LRRC4C: variants seen among roughly 807,000 people sequenced by gnomAD.
LRRC4C encodes leucine rich repeat containing 4C, also known as leucine-rich repeat-containing protein 4C.
LRRC4C carries 5 observed loss-of-function variants against 33.6 expected under a neutral mutation model. That is an observed-to-expected ratio of 0.15 (90% CI 0.08 to 0.31). The LOEUF is 0.31. Among genes scored for constraint, LRRC4C ranks in the 10% least tolerant of loss-of-function variants. The pLI, the probability that LRRC4C is intolerant of heterozygous loss-of-function variation, is 1.00. For synonymous variants in LRRC4C, 329 were observed against 302.0 expected (o/e 1.09, Z -0.93); for missense variants, 560 against 796.7 (o/e 0.70, Z 3.58).
At chr11:41,221,243 C>T (rs1947292302) in intron 1 of LRRC4C, among the ~76,000 whole-genome samples, 1 of 148,688 alleles carries the variant, frequency 6.7e-6, no homozygotes, top group Admixed American at 6.7e-5. Context: ...AGGACATGAA[C>T]AGACACTTTT....
At chr11:41,121,757 G>A (rs1334743804) in intron 1 of LRRC4C, among the ~76,000 whole-genome samples, 2 of 152,118 alleles carry the variant, frequency 1.3e-5, no homozygotes, top group Non-Finnish European at 2.9e-5. Flanking sequence ...TAAAATAAAA[G>A]GGATGACCCT....
At chr11:40,792,758 C>T (rs369974868) in intron 2 of LRRC4C, among the ~76,000 whole-genome samples, 11 of 152,004 alleles carry the variant, frequency 7.2e-5, no homozygotes, top group Admixed American at 2.6e-4. Context: ...CAATGATAGA[C>T]TGGATTAAGA....
Position 41,323,866 on chromosome 11 carries a change from T to A in LRRC4C, c.-496+135565A>T, listed in dbSNP as rs540583741. ...ATATCAAAGCAAGTATTGTATTTTT[T>A]AAATTATATTTTATATAAGGGGACT... On this transcript the variant is annotated intron_variant, in intron 1 of 6. Coordinates refer to ENST00000528697, the MANE Select transcript of LRRC4C (RefSeq NM_001258419.2). Among the ~76,000 whole-genome samples the A allele has an allele frequency of 2.0e-4, 31 of 152,366 alleles. No individual in the cohort carries two copies. The South Asian group carries it at 4.6e-3, about 22-fold the overall frequency.
chr11:40,121,995 G>C (rs777383719), intron 6 of LRRC4C, among the ~76,000 whole-genome samples: 25 of 152,066 alleles, frequency 1.6e-4, no homozygotes, highest in Non-Finnish European at 2.9e-5. Flanking sequence ...GTCTGTCTTA[G>C]CACCTCTTTC....
intron 1 of LRRC4C, among the ~76,000 whole-genome samples, chr11:41,396,672 T>C (rs947747615): frequency 3.3e-5 from 5 of 152,038 alleles, no homozygotes; most frequent in Non-Finnish European, 7.4e-5. Context: ...ACCTGTGTCA[T>C]GGAAGTTTGT....
chr11:41,325,238 A>G (rs1267862588), intron 1 of LRRC4C, among the ~76,000 whole-genome samples: 5 of 152,138 alleles, frequency 3.3e-5, no homozygotes, highest in African/African-American at 9.7e-5. Context: ...TGCAAAATGT[A>G]TATTAAGCTT....
At chr11:41,288,063 C>G (rs944679847) in intron 1 of LRRC4C, among the ~76,000 whole-genome samples, 3 of 152,152 alleles carry the variant, frequency 2.0e-5, no homozygotes, top group African/African-American at 7.2e-5. Context: ...TTGGATTACT[C>G]TGTGCCAGGT....
chr11:40,806,942 G>A (rs1053565549), intron 2 of LRRC4C, among the ~76,000 whole-genome samples: 4 of 151,966 alleles, frequency 2.6e-5, no homozygotes, highest in African/African-American at 9.7e-5. Flanking sequence ...TTTTGCATTT[G>A]TGAGAGTTGA....
At chr11:40,902,155 T>A (rs1956238137) in intron 2 of LRRC4C, among the ~76,000 whole-genome samples, 3 of 152,066 alleles carry the variant, frequency 2.0e-5, no homozygotes, top group African/African-American at 7.2e-5. Context: ...CGATCGGTGG[T>A]GTTTTTCCAA....
Position 40,627,721 on chromosome 11 carries a change from ATCT to A in LRRC4C, c.-270+20418_-270+20420del, listed in dbSNP as rs140392104. Among the ~76,000 whole-genome samples, 1,305 of 152,286 alleles carry A rather than the reference ATCT, an allele frequency of 8.6e-3. 16 individuals carry two copies. The highest frequency in any genetic ancestry group is 0.03 in the African/African-American group (1,226 of 41,546). On this transcript the variant is annotated intron_variant, in intron 3 of 6. Coordinates refer to ENST00000528697, the MANE Select transcript of LRRC4C (RefSeq NM_001258419.2). ...GATAGACAAGAGAATACAATTTCTT[ATCT>A]TCTTCTACTCTTCCATTTGAGCACT...
At chr11:40,509,618 C>T (rs1201005891) in intron 3 of LRRC4C, among the ~76,000 whole-genome samples, 1 of 151,630 alleles carries the variant, frequency 6.6e-6, no homozygotes, top group Non-Finnish European at 1.5e-5. Context: ...TTTCATAGTG[C>T]CTAGTAATAT....
At chr11:40,942,625 G>A (rs935867508) in intron 1 of LRRC4C, among the ~76,000 whole-genome samples, 2 of 152,120 alleles carry the variant, frequency 1.3e-5, no homozygotes, top group Admixed American at 6.6e-5. Context: ...TTCAGATTGG[G>A]AAGAGCAAGG....
intron 1 of LRRC4C, among the ~76,000 whole-genome samples, chr11:41,257,765 A>G (rs552273630): frequency 6.6e-6 from 1 of 152,160 alleles, no homozygotes; most frequent in Non-Finnish European, 1.5e-5. Flanking sequence ...GTTCTCATCC[A>G]TGGCTCTACT....
chr11:41,423,105 A>T (rs1019422992), intron 1 of LRRC4C, among the ~76,000 whole-genome samples: 1 of 152,138 alleles, frequency 6.6e-6, no homozygotes, highest in Non-Finnish European at 1.5e-5. Flanking sequence ...AGTGACAAAC[A>T]CTGGGGCTTC....
At chr11:40,187,850 C>T (rs186730943) in intron 5 of LRRC4C, among the ~76,000 whole-genome samples, 46 of 151,934 alleles carry the variant, frequency 3.0e-4, no homozygotes, top group Middle Eastern at 3.4e-3. Flanking sequence ...AGAAATCAGC[C>T]GTTAGAGGAG....
At chr11:40,347,989 G>T (rs1942303038) in intron 3 of LRRC4C, among the ~76,000 whole-genome samples, 1 of 152,166 alleles carries the variant, frequency 6.6e-6, no homozygotes, top group African/African-American at 2.4e-5. Context: ...AAATTGGGAG[G>T]CCCCAGAAAA....
At chr11:41,133,932 A>C (rs1182413026) in intron 1 of LRRC4C, among the ~76,000 whole-genome samples, 1 of 152,130 alleles carries the variant, frequency 6.6e-6, no homozygotes, top group Non-Finnish European at 1.5e-5. Flanking sequence ...ATACCTTCCA[A>C]GTATTGATTT....
intron 1 of LRRC4C, among the ~76,000 whole-genome samples, chr11:40,984,367 GAAA>G (rs879492618): frequency 0.34 from 32,715 of 96,414 alleles, 4,437 homozygotes; most frequent in Non-Finnish European, 0.43. Flanking sequence ...AAAGAAAAAA[GAAA>G]GAAAGAAAGA....
intron 3 of LRRC4C, among the ~76,000 whole-genome samples, chr11:40,536,693 C>T (rs551249533): frequency 1.3e-3 from 192 of 152,254 alleles, no homozygotes; most frequent in African/African-American, 4.2e-3. Flanking sequence ...TCCTGGAATG[C>T]TCTTTTTTTT....
Sources: gnomAD v4.1 joint callset for allele counts (sites outside exome capture counted in the v4.1 genomes callset) on GRCh38, gnomAD v4.1.1 for gene constraint, MANE v1.5 for transcripts, NCBI Gene and HGNC (gene_info 2026-07-23, HGNC 2026-07-21) for gene names.